The following PDPR variants were observed in gnomAD, a reference collection of about 807,000 sequenced individuals.
The protein encoded by PDPR is pyruvate dehydrogenase phosphatase regulatory subunit, mitochondrial.
Under a neutral mutation model 102.2 loss-of-function variants are expected in PDPR, and 50 were observed. The ratio of observed to expected loss-of-function variants is 0.49; its 90% CI spans 0.39 to 0.62. The LOEUF is 0.62. PDPR is among the 20% of genes least tolerant of loss of function. PDPR has a pLI of 0.00. For missense variants in PDPR, 625 were observed against 1,098.2 expected (o/e 0.57, Z 6.09); for synonymous variants, 259 against 406.0 (o/e 0.64, Z 4.35).
chr16:70,138,690 T>C (rs1459334416), intron 10 of PDPR, among the ~76,000 whole-genome samples: 1 of 152,256 alleles, frequency 6.6e-6, no homozygotes. Flanking sequence ...AATCTTATCA[T>C]CTGGGGTAAA....
chr16:70,143,301 G>A (rs578132788), intron 13 of PDPR, among the ~76,000 whole-genome samples: 21 of 152,384 alleles, frequency 1.4e-4, no homozygotes, highest in Middle Eastern at 6.8e-3. Context: ...CTTGTTTCAG[G>A]TTTTTAATTT....
chr16:70,140,709 G>T (rs1368371146), intron 11 of PDPR, among the ~76,000 whole-genome samples: 10 of 152,230 alleles, frequency 6.6e-5, no homozygotes, highest in East Asian at 5.8e-4. Flanking sequence ...CAGCTACTTG[G>T]CAGGCTGAGG....
intron 2 of PDPR, among the ~76,000 whole-genome samples, chr16:70,119,396 T>C (rs1336212135): frequency 1.3e-5 from 2 of 151,766 alleles, no homozygotes; most frequent in East Asian, 3.9e-4. Flanking sequence ...ATTCCCCTGC[T>C]AGTGATACTC....
In PDPR at chr16:70,114,831, T is replaced by A. The variant is rs1263061221; in HGVS notation, c.-132T>A. 1.3e-5 allele frequency: 2 copies of A among 152,284 alleles called. No individual in the cohort carries two copies. The highest frequency in any genetic ancestry group is 2.9e-5 in the Non-Finnish European group (2 of 68,100). 9.4% of individuals were successfully genotyped at this position (152,284 alleles called of 1,614,324 possible). A position where few individuals can be genotyped will look rare whatever the true frequency, so the allele number is the denominator to read the frequency against. ...CCTCCATCCCTGCAGATGGAACTGTTTTCCCGCGTTGAGACGTGCGGTCCG... is the reference window on the plus strand; with the variant it reads ...CCTCCATCCCTGCAGATGGAACTGTATTCCCGCGTTGAGACGTGCGGTCCG... On this transcript the variant is annotated 5_prime_UTR_variant, in exon 2 of 19. Coordinates refer to ENST00000288050, the MANE Select transcript of PDPR (RefSeq NM_017990.5).
intron 2 of PDPR, among the ~76,000 whole-genome samples, chr16:70,116,567 T>G (rs958521001): frequency 4.2e-5 from 6 of 144,204 alleles, no homozygotes; most frequent in Admixed American, 7.0e-5. Context: ...ATTAAAAAAA[T>G]TAATAAAACA....
intron 11 of PDPR, among the ~76,000 whole-genome samples, chr16:70,139,980 G>A (rs1965543766): frequency 6.6e-6 from 1 of 152,206 alleles, no homozygotes; most frequent in Non-Finnish European, 1.5e-5. Context: ...TGGAGATGAA[G>A]GACCTAACAG....
In PDPR at chr16:70,120,562, T is replaced by C; in HGVS notation, c.70T>C (p.Ser24Pro). 1 of 1,614,046 alleles carries C rather than the reference T, an allele frequency of 6.2e-7. No homozygotes were observed. Residue 24 changes from serine (S) to proline (P), a missense_variant, in exon 3 of 19, where the codon TCT (serine) becomes CCT (proline). By Grantham distance (74) the Ser-to-Pro change is moderately conservative (BLOSUM62 -1). Around this residue, in one of 11 missense-constraint regions of PDPR, gnomAD observed 84 missense variants for 87.7 expected, o/e 0.96. Coordinates refer to ENST00000288050, the MANE Select transcript of PDPR (RefSeq NM_017990.5). ...RASPGWQNWS[S>P]ARNSTSAAEA... ...CAGCCCAGGATGGCAGAACTGGTCC[T>C]CTGCAAGAAACAGCACGTCAGCTGC...
intron 16 of PDPR, chr16:70,147,751 C>T: frequency 2.7e-6 from 1 of 364,216 alleles, no homozygotes; most frequent in Non-Finnish European, 5.4e-6. Context: ...TTTCCTTCTT[C>T]TCCGAGGCAA....
intron 18 of PDPR, among the ~76,000 whole-genome samples, chr16:70,154,088 A>G (rs1040236578): frequency 5.9e-5 from 9 of 152,288 alleles, no homozygotes; most frequent in African/African-American, 1.4e-4. Flanking sequence ...CCCAGGAGGC[A>G]GAGGTTGCAG....
At chr16:70,138,364 G>A (rs1387537627) in intron 10 of PDPR, among the ~76,000 whole-genome samples, 5 of 152,132 alleles carry the variant, frequency 3.3e-5, no homozygotes, top group Admixed American at 2.0e-4. Context: ...GATTACAGGC[G>A]TGTGCCACCA....
At chr16:70,148,354 T>G (rs1335417766) in intron 16 of PDPR, 110 bp from the exon 17 acceptor site, 1 of 853,422 alleles carries the variant, frequency 1.2e-6, no homozygotes, top group Non-Finnish European at 1.9e-6. Context: ...GACGTCTGTC[T>G]CCCTCAACAG....
At position 70,162,071 on chromosome 16, in the gene PDPR, AAG is replaced by A. The variant is rs1407618431; in HGVS notation, c.*5196_*5197del. On this transcript the variant is annotated 3_prime_UTR_variant, in exon 19 of 19. Coordinates refer to ENST00000288050, the MANE Select transcript of PDPR (RefSeq NM_017990.5). ...CAGATGGTGGGTGCAGATTGGAAGA[AAG>A]AGAAAAGTTCATCTCGGTGTGTGGG... is the stretch of plus-strand genomic sequence containing the variant. The A allele has an allele frequency of 1.3e-5, 2 of 152,544 alleles. No homozygotes were observed. Among genetic ancestry groups the A allele is most frequent in the East Asian group, 1.9e-4 (1 of 5,190 alleles). 9.4% of individuals were successfully genotyped at this position (152,544 alleles called of 1,614,324 possible).
intron 9 of PDPR, among the ~76,000 whole-genome samples, chr16:70,133,111 C>CTTTTTTTTTTTT (rs140652740): frequency 1.0e-4 from 10 of 97,254 alleles, no homozygotes; most frequent in Non-Finnish European, 1.3e-4. Context: ...TACCCAGCTG[C>CTTTTTTTTTTTT]TTTTTTTTTT....
intron 18 of PDPR, among the ~76,000 whole-genome samples, chr16:70,154,404 G>A (rs1204535979): frequency 6.6e-6 from 1 of 152,268 alleles, no homozygotes. Context: ...AGCACTTTGG[G>A]AGGCCAAGGC....
At chr16:70,155,019 C>G (rs1966971717) in intron 18 of PDPR, among the ~76,000 whole-genome samples, 1 of 152,116 alleles carries the variant, frequency 6.6e-6, no homozygotes, top group African/African-American at 2.4e-5. Context: ...TGGTGAAACC[C>G]CGTATCTGCT....
At chr16:70,149,635 TTTTC>T (rs1966545010) in intron 17 of PDPR, among the ~76,000 whole-genome samples, 2 of 152,262 alleles carry the variant, frequency 1.3e-5, no homozygotes, top group Non-Finnish European at 2.9e-5. Flanking sequence ...CTTGTTCTTT[TTTTC>T]TTTATTTTTT....
At chr16:70,147,502 G>A (rs1465399961) in intron 16 of PDPR, 2 of 397,874 alleles carry the variant, frequency 5.0e-6, no homozygotes, top group African/African-American at 4.1e-5. Context: ...TGGCGTAGGT[G>A]AATCTCTGAA....
chr16:70,125,391 C>A (rs150801285), intron 3 of PDPR, among the ~76,000 whole-genome samples: 492 of 144,596 alleles, frequency 3.4e-3, no homozygotes, highest in Admixed American at 5.2e-3. Context: ...AACAAACAAA[C>A]AAAAAAACAA....
chr16:70,153,705 T>C, intron 18 of PDPR, 132 bp downstream of exon 18: 1 of 1,004,654 alleles, frequency 1.0e-6, no homozygotes, highest in Non-Finnish European at 1.4e-6. Flanking sequence ...ATCAGGTAAA[T>C]GAGGACAAGA....
Sources: gnomAD v4.1 joint callset for allele counts (sites outside exome capture counted in the v4.1 genomes callset) on GRCh38, gnomAD v4.1.1 for gene constraint, gnomAD v4.1.1 regional missense constraint, MANE v1.5 for transcripts, NCBI Gene and HGNC (gene_info 2026-07-23, HGNC 2026-07-21) for gene names.